The following UVRAG variants were observed in gnomAD, a reference collection of about 807,000 sequenced individuals.
UVRAG encodes UV radiation resistance-associated gene protein.
A neutral mutation model predicts 78.0 loss-of-function variants in UVRAG; 19 were observed. That is an observed-to-expected ratio of 0.24 (90% CI 0.17 to 0.36). The LOEUF (loss-of-function observed/expected upper bound fraction) is 0.36. Among genes scored for constraint, UVRAG ranks in the 10% least tolerant of loss-of-function variants. The probability of loss-of-function intolerance (pLI) is 1.00; values close to 1 mark genes in which losing one functional copy is unlikely to be tolerated. For synonymous variants in UVRAG, 323 were observed against 324.6 expected (o/e 1.00, Z 0.05); for missense variants, 740 against 853.8 (o/e 0.87, Z 1.66).
At chr11:76,136,115 G>GAAC (rs1952593443) in intron 14 of UVRAG, among the ~76,000 whole-genome samples, 1 of 152,076 alleles carries the variant, frequency 6.6e-6, no homozygotes. Context: ...ATTCTGTTTT[G>GAAC]AACTATTATT....
At chr11:75,956,559 G>A (rs1280006634) in intron 6 of UVRAG, among the ~76,000 whole-genome samples, 1 of 151,938 alleles carries the variant, frequency 6.6e-6, no homozygotes, top group Non-Finnish European at 1.5e-5. Flanking sequence ...CTAACTTTTT[G>A]TATTTTAGTA....
rs193242790 is a variant in UVRAG, at chr11:76,083,248, A to G, written c.1305+17460A>G. On this transcript the variant is annotated intron_variant, in intron 13 of 14. Coordinates refer to ENST00000356136, the MANE Select transcript of UVRAG (RefSeq NM_003369.4). ...ACAGGTGAGGAAACAGGTATAGAATATTTTGGTGGATGAGGAATTTTTAAA... is the reference window on the plus strand; with the variant it reads ...ACAGGTGAGGAAACAGGTATAGAATGTTTTGGTGGATGAGGAATTTTTAAA... 1.7e-4 allele frequency among the ~76,000 whole-genome samples: 26 copies of G among 152,308 alleles called. No individual in the cohort carries two copies. In the East Asian group the frequency reaches 2.7e-3, roughly 16 times the overall value.
intron 13 of UVRAG, among the ~76,000 whole-genome samples, chr11:76,099,877 A>G (rs1951848937): frequency 6.6e-6 from 1 of 152,114 alleles, no homozygotes; most frequent in Non-Finnish European, 1.5e-5. Flanking sequence ...ATGTATAATC[A>G]TATCTATTAA....
chr11:75,900,063 T>C (rs772070895), intron 5 of UVRAG, among the ~76,000 whole-genome samples: 36 of 152,226 alleles, frequency 2.4e-4, no homozygotes, highest in Non-Finnish European at 4.6e-4. Context: ...TTTCCTGTTA[T>C]GAATTTGGAG....
In UVRAG at chr11:76,141,243, G is replaced by A. The variant is rs774523519; in HGVS notation, c.1930G>A (p.Ala644Thr). ...CATCGGGCTGGAAGCCACAGGTTTC[G>A]CCTCAGGTGATCAGCTAGAAGCATT... is the stretch of plus-strand genomic sequence containing the variant. ...EIIGLEATGFASGDQLEAFNC... is the reference protein window; with the variant it reads ...EIIGLEATGFTSGDQLEAFNC... The change falls in exon 15 of 15, where the codon GCC becomes ACC. Residue 644 changes from alanine to threonine, a missense_variant. By Grantham distance (58) the Ala-to-Thr change is moderately conservative. Coordinates refer to ENST00000356136, the MANE Select transcript of UVRAG (RefSeq NM_003369.4). The A allele has an allele frequency of 6.8e-6, 11 of 1,614,062 alleles. No homozygotes were observed. Among genetic ancestry groups the A allele is most frequent in the Middle Eastern group, 1.6e-4 (1 of 6,084 alleles).
chr11:75,966,289 T>C (rs1271833435), intron 7 of UVRAG, among the ~76,000 whole-genome samples: 2 of 152,166 alleles, frequency 1.3e-5, no homozygotes, highest in Non-Finnish European at 2.9e-5. Context: ...TTGGATTTGC[T>C]TTGGTAATAA....
At chr11:75,934,245 G>A (rs1271042119) in intron 6 of UVRAG, among the ~76,000 whole-genome samples, 2 of 152,126 alleles carry the variant, frequency 1.3e-5, no homozygotes, top group Admixed American at 6.5e-5. Flanking sequence ...AGCACAGCAA[G>A]ACAAACATCA....
chr11:75,902,518 G>A (rs1377529341), intron 5 of UVRAG, among the ~76,000 whole-genome samples: 1 of 152,058 alleles, frequency 6.6e-6, no homozygotes, highest in Non-Finnish European at 1.5e-5. Context: ...CTGTCTTAGT[G>A]GTTTCTGACA....
At chr11:75,898,310 T>A (rs924819929) in intron 5 of UVRAG, among the ~76,000 whole-genome samples, 1 of 152,208 alleles carries the variant, frequency 6.6e-6, no homozygotes, top group Non-Finnish European at 1.5e-5. Flanking sequence ...TTCCTTTCAT[T>A]CCGTGACTTA....
In UVRAG at chr11:75,868,392, TGAG is replaced by T. The variant is rs1229124628; in HGVS notation, c.270+6615_270+6617del. Among the ~76,000 whole-genome samples, 3 of 151,954 alleles carry T rather than the reference TGAG, an allele frequency of 2.0e-5. No individual in the cohort carries two copies. In the East Asian group the frequency reaches 5.8e-4, roughly 29 times the overall value. On this transcript the variant is annotated intron_variant, in intron 3 of 14. Transcript: ENST00000356136. ...GACAGAGAGACAGGTGCAAGAGAAT[TGAG>T]GATCAGGACAGCAGAGGGAATGGCC...
rs147114190 is a variant in UVRAG at position 75,826,434 on chromosome 11, C to T, written c.117+10910C>T. On this transcript the variant is annotated intron_variant, in intron 1 of 14. Transcript: ENST00000356136. ...CCTCCTAAAGTGCTGGGATTACAGG[C>T]GTGAGCCTGGCCGAGAACTTGTTTC... is the stretch of plus-strand genomic sequence containing the variant. Among the ~76,000 whole-genome samples the T allele has an allele frequency of 4.6e-3, 708 of 152,334 alleles. 4 individuals are homozygous for T. Among genetic ancestry groups the T allele is most frequent in the African/African-American group, 0.016 (646 of 41,578 alleles).
intron 8 of UVRAG, among the ~76,000 whole-genome samples, chr11:76,001,564 A>C (rs575374290): frequency 2.6e-5 from 4 of 152,356 alleles, no homozygotes; most frequent in Admixed American, 2.0e-4. Context: ...CATATTAACT[A>C]AGTAAAAAGA....
At position 75,851,883 on chromosome 11, in the gene UVRAG, C is replaced by T. The variant is rs370544443; in HGVS notation, c.118C>T (p.Arg40Trp). 6 of 1,599,396 alleles carry T rather than the reference C, an allele frequency of 3.8e-6. No homozygotes were observed. Among genetic ancestry groups the T allele is most frequent in the South Asian group, 2.3e-5 (2 of 87,204 alleles). ...ALHVELPSQQ[R>W]RLRHLRNIAA... is the part of the protein sequence containing the mutation. ...TCTCTTTTTTGTTGTTATTTTTCAG[C>T]GGCGTCTTCGACATCTTCGGAACAT... Residue 40 changes from arginine (R) to tryptophan (W), a missense_variant and splice_region_variant, in exon 2 of 15, where the codon CGG becomes TGG. Transcript: ENST00000356136.
intron 12 of UVRAG, among the ~76,000 whole-genome samples, chr11:76,051,913 G>C (rs1264112150): frequency 1.3e-5 from 2 of 152,158 alleles, no homozygotes; most frequent in East Asian, 3.9e-4. Flanking sequence ...GGCGTGGTGT[G>C]TGTAGAGGGC....
At chr11:75,897,948 C>G (rs974303190) in intron 5 of UVRAG, among the ~76,000 whole-genome samples, 1 of 143,952 alleles carries the variant, frequency 6.9e-6, no homozygotes, top group Non-Finnish European at 1.5e-5. Flanking sequence ...CGGCTCACTG[C>G]AAGCTCCGCC....
intron 13 of UVRAG, among the ~76,000 whole-genome samples, chr11:76,093,010 G>A (rs1199232068): frequency 2.0e-5 from 3 of 152,098 alleles, no homozygotes; most frequent in Admixed American, 6.6e-5. Flanking sequence ...ATTAATTTTT[G>A]TATAAGGTGT....
intron 3 of UVRAG, among the ~76,000 whole-genome samples, chr11:75,878,719 G>A (rs1046098634): frequency 5.9e-5 from 9 of 152,206 alleles, no homozygotes; most frequent in African/African-American, 1.9e-4. Flanking sequence ...AAACCAGTCA[G>A]GCGTGGCGGC....
intron 6 of UVRAG, among the ~76,000 whole-genome samples, chr11:75,943,544 A>C (rs1048584467): frequency 6.6e-6 from 1 of 152,132 alleles, no homozygotes; most frequent in Non-Finnish European, 1.5e-5. Context: ...TTTTATGCCA[A>C]ATGTGGTTCT....
chr11:75,983,234 G>A (rs7127326), intron 7 of UVRAG, among the ~76,000 whole-genome samples, 153 bp from the exon 8 acceptor site: 18,601 of 152,104 alleles, frequency 0.12, 2,878 homozygotes, highest in African/African-American at 0.36. Flanking sequence ...TTAAAAGGAT[G>A]GTGCTGGTAA....
Sources: gnomAD v4.1 joint callset for allele counts (sites outside exome capture counted in the v4.1 genomes callset) on GRCh38, gnomAD v4.1.1 for gene constraint, MANE v1.5 for transcripts, NCBI Gene and HGNC (gene_info 2026-07-23, HGNC 2026-07-21) for gene names.